GRM1: variants seen among roughly 807,000 people sequenced by gnomAD.
GRM1 encodes the protein metabotropic glutamate receptor 1.
In GRM1, 33 loss-of-function variants were observed where a neutral mutation model predicts 90.9. The observed-to-expected ratio is 0.36, with a 90% CI of 0.28 to 0.49. GRM1 has a LOEUF of 0.49. Ranked by LOEUF, GRM1 falls within the 20% of genes least tolerant of loss-of-function variation. The pLI is 0.99. For missense variants in GRM1, 1,190 were observed against 1,534.3 expected, an observed-to-expected ratio of 0.78 and a Z score of 3.75; for synonymous variants, 700 against 613.2, an observed-to-expected ratio of 1.14 and a Z score of -2.09.
chr6:146,137,314 C>T (rs1776662587), intron 1 of GRM1, among the ~76,000 whole-genome samples: 2 of 152,186 alleles, frequency 1.3e-5, no homozygotes, highest in South Asian at 4.2e-4. Context: ...AGATTTAACT[C>T]TTTAGTCTAT....
chr6:146,408,673 T>TA (rs918693208), intron 7 of GRM1, among the ~76,000 whole-genome samples: 1 of 152,118 alleles, frequency 6.6e-6, no homozygotes, highest in African/African-American at 2.4e-5. Context: ...ATTCGTGCTA[T>TA]AAAAAATAGA....
intron 3 of GRM1, among the ~76,000 whole-genome samples, chr6:146,330,163 G>A (rs902030521): frequency 1.3e-5 from 2 of 152,166 alleles, no homozygotes; most frequent in African/African-American, 4.8e-5. Context: ...ACAACTCAAA[G>A]AACCCTGGAC....
chr6:146,414,643 C>T (rs1319755977), intron 7 of GRM1, among the ~76,000 whole-genome samples: 3 of 152,150 alleles, frequency 2.0e-5, no homozygotes, highest in Non-Finnish European at 4.4e-5. Flanking sequence ...ACCTTGTGAT[C>T]CGCCCGCCTC....
intron 7 of GRM1, among the ~76,000 whole-genome samples, chr6:146,428,589 A>G (rs1778298184): frequency 6.6e-6 from 1 of 152,204 alleles, no homozygotes; most frequent in African/African-American, 2.4e-5. Context: ...TTCTGGTAGC[A>G]CAAAGTATAG....
intron 2 of GRM1, among the ~76,000 whole-genome samples, chr6:146,280,536 A>G (rs1031381138): frequency 6.6e-6 from 1 of 152,172 alleles, no homozygotes; most frequent in Non-Finnish European, 1.5e-5. Context: ...CCAGAATTGT[A>G]TAATTTTTCT....
chr6:146,392,412 T>G (rs1341947849), intron 6 of GRM1, among the ~76,000 whole-genome samples: 4 of 152,206 alleles, frequency 2.6e-5, no homozygotes, highest in Admixed American at 1.3e-4. Context: ...TGACTTTAAA[T>G]AAAATTGTTA....
intron 2 of GRM1, among the ~76,000 whole-genome samples, chr6:146,207,998 C>T (rs1023394964): frequency 6.6e-6 from 1 of 152,128 alleles, no homozygotes; most frequent in Non-Finnish European, 1.5e-5. Flanking sequence ...TTGCAAAAGA[C>T]CTCTTTCTCT....
intron 7 of GRM1, among the ~76,000 whole-genome samples, chr6:146,429,335 G>A (rs75963235): frequency 0.074 from 11,203 of 152,268 alleles, 760 homozygotes; most frequent in African/African-American, 0.18. Flanking sequence ...GCGAGAAATT[G>A]TAATTATGTT....
intron 7 of GRM1, among the ~76,000 whole-genome samples, chr6:146,403,407 A>G (rs924935161): frequency 3.3e-4 from 51 of 152,252 alleles, no homozygotes; most frequent in African/African-American, 1.1e-3. Flanking sequence ...ACTAAAAACA[A>G]TTACAACCTT....
At chr6:146,076,917 C>A (rs1776205631) in intron 1 of GRM1, among the ~76,000 whole-genome samples, 1 of 152,100 alleles carries the variant, frequency 6.6e-6, no homozygotes, top group Non-Finnish European at 1.5e-5. Context: ...CTATATCCAA[C>A]AGGCTGCTTC....
intron 1 of GRM1, among the ~76,000 whole-genome samples, chr6:146,104,904 C>T (rs1777176164): frequency 6.6e-6 from 1 of 152,132 alleles, no homozygotes; most frequent in Non-Finnish European, 1.5e-5. Context: ...GTATAGGTGA[C>T]ACAAACGTAA....
At chr6:146,174,030 T>A (rs373974467) in intron 2 of GRM1, among the ~76,000 whole-genome samples, 2 of 152,130 alleles carry the variant, frequency 1.3e-5, no homozygotes, top group African/African-American at 4.8e-5. Context: ...TTTGGAAGAA[T>A]ATGAATCCTT....
chr6:146,410,977 G>T (rs1583460960), intron 7 of GRM1, among the ~76,000 whole-genome samples: 1 of 152,138 alleles, frequency 6.6e-6, no homozygotes, highest in Non-Finnish European at 1.5e-5. Context: ...AGATCCAGAA[G>T]ATAAATACTG....
At chr6:146,266,488 A>C (rs17075834) in intron 2 of GRM1, among the ~76,000 whole-genome samples, 2,922 of 152,170 alleles carry the variant, frequency 0.019, 37 homozygotes, top group Admixed American at 0.028. Context: ...TAATCATCCA[A>C]CAAGAATGAA....
chr6:146,393,736 G>A (rs1045788430), intron 6 of GRM1, among the ~76,000 whole-genome samples: 2 of 152,138 alleles, frequency 1.3e-5, no homozygotes, highest in Non-Finnish European at 2.9e-5. Flanking sequence ...AGCTACCATT[G>A]ACTTTCTTCA....
At position 146,064,947 on chromosome 6, in the gene GRM1, A is replaced by G. The variant is rs989138940; in HGVS notation, c.700+34730A>G. On this transcript the variant is annotated intron_variant, in intron 1 of 7. Transcript: ENST00000282753. ...ATCTAAATACTAGATGGCAGTTTGC[A>G]CACTGTTTTACCTTATTGAAGATAA... Among the ~76,000 whole-genome samples the G allele has an allele frequency of 3.9e-5, 6 of 152,064 alleles. No individual in the cohort carries two copies. In the East Asian group the frequency reaches 1.2e-3, roughly 29 times the overall value.
At chr6:146,193,790 T>C (rs1188902211) in intron 2 of GRM1, among the ~76,000 whole-genome samples, 1 of 152,188 alleles carries the variant, frequency 6.6e-6, no homozygotes, top group African/African-American at 2.4e-5. Flanking sequence ...ACTCCATTTC[T>C]CTGATGATGG....
At chr6:146,224,436 A>T (rs1050417149) in intron 2 of GRM1, among the ~76,000 whole-genome samples, 4 of 152,136 alleles carry the variant, frequency 2.6e-5, no homozygotes, top group Admixed American at 2.6e-4. Context: ...TGTAGCTATT[A>T]TGTTTTCTAG....
intron 2 of GRM1, among the ~76,000 whole-genome samples, chr6:146,192,429 A>G (rs1446642561): frequency 2.0e-5 from 3 of 152,230 alleles, no homozygotes; most frequent in Admixed American, 6.5e-5. Context: ...TTGGCCTTAT[A>G]CAAAACCTCA....
Sources: allele counts gnomAD v4.1 joint callset (sites outside exome capture counted in the v4.1 genomes callset), GRCh38; gene constraint gnomAD v4.1.1; transcripts MANE v1.5; gene names NCBI Gene and HGNC (gene_info 2026-07-23, HGNC 2026-07-21).